The following LSAMP variants were observed in gnomAD, a reference collection of about 807,000 sequenced individuals.
LSAMP encodes limbic system-associated membrane protein.
A neutral mutation model predicts 38.6 loss-of-function variants in LSAMP; 7 were observed. That is an observed-to-expected ratio of 0.18 (90% confidence interval 0.10 to 0.34). The LOEUF (loss-of-function observed/expected upper bound fraction) is 0.34, where lower values mean the gene tolerates loss of function less well. Among genes scored for constraint, LSAMP ranks in the 10% least tolerant of loss-of-function variants. The pLI is 1.00. For missense variants in LSAMP, 313 were observed against 420.0 expected (o/e 0.75, Z 2.23); for synonymous variants, 154 against 166.8 (o/e 0.92, Z 0.59).
chr3:116,445,237 A>G lies in LSAMP; in HGVS notation c.-206T>C. The G allele has an allele frequency of 1.7e-6, 1 of 594,230 alleles. No homozygotes were observed. Among genetic ancestry groups the G allele is most frequent in the Non-Finnish European group, 3.0e-6 (1 of 334,746 alleles). The allele number at this position is 594,230 out of a possible 1,614,324, so 36.8% of individuals were successfully genotyped here. A position where few individuals can be genotyped will look rare whatever the true frequency, so the allele number is the denominator to read the frequency against. The stretch of plus-strand genomic sequence containing the variant: ...ACTTAACAAAGCCCTCATAAAACCC[A>G]AGCAGAAGGGTGAAAAGTAAAAGCA... On this transcript the variant is annotated 5_prime_UTR_variant, in exon 1 of 7. Transcript: ENST00000490035.
chr3:115,897,266 A>G (rs1406785774), intron 3 of LSAMP, among the ~76,000 whole-genome samples: 1 of 152,090 alleles, frequency 6.6e-6, no homozygotes, highest in Non-Finnish European at 1.5e-5. Context: ...TTTTCTCTAT[A>G]GCTAACTTGG....
chr3:115,870,032 A>C (rs1464964215), intron 3 of LSAMP, among the ~76,000 whole-genome samples: 1 of 152,126 alleles, frequency 6.6e-6, no homozygotes, highest in East Asian at 1.9e-4. Flanking sequence ...AAAGTTAAAA[A>C]ATTAAAATAA....
At chr3:116,158,776 G>A (rs190165542) in intron 1 of LSAMP, among the ~76,000 whole-genome samples, 25 of 152,082 alleles carry the variant, frequency 1.6e-4, no homozygotes, top group African/African-American at 5.1e-4. Flanking sequence ...CATACTGCCC[G>A]AAGCAATTTA....
chr3:115,887,603 T>C (rs1936488637), intron 3 of LSAMP, among the ~76,000 whole-genome samples: 2 of 151,930 alleles, frequency 1.3e-5, no homozygotes, highest in African/African-American at 2.4e-5. Flanking sequence ...GTTAATTTGT[T>C]GGGGTACAGA....
chr3:116,187,876 GATT>G (rs2107577770), intron 1 of LSAMP, among the ~76,000 whole-genome samples: 1 of 152,040 alleles, frequency 6.6e-6, no homozygotes, highest in East Asian at 1.9e-4. Flanking sequence ...TTGTTGTACA[GATT>G]ATTTCATCAC....
intron 6 of LSAMP, among the ~76,000 whole-genome samples, chr3:115,837,464 A>T (rs1447550728): frequency 6.6e-6 from 1 of 152,052 alleles, no homozygotes; most frequent in Non-Finnish European, 1.5e-5. Flanking sequence ...ACTAGGCTAA[A>T]CGCTGACTAC....
At chr3:116,359,858 T>A (rs2048281496) in intron 1 of LSAMP, among the ~76,000 whole-genome samples, 1 of 152,016 alleles carries the variant, frequency 6.6e-6, no homozygotes, top group Non-Finnish European at 1.5e-5. Context: ...AATGTGAAAC[T>A]CAAAACTATA....
chr3:116,408,386 T>C (rs1559857682), intron 1 of LSAMP, among the ~76,000 whole-genome samples: 1 of 152,120 alleles, frequency 6.6e-6, no homozygotes, highest in Non-Finnish European at 1.5e-5. Context: ...TTGACAAATC[T>C]ACAGTGTGGA....
chr3:116,055,290 G>T (rs1338870616), intron 2 of LSAMP, among the ~76,000 whole-genome samples: 2 of 152,206 alleles, frequency 1.3e-5, no homozygotes, highest in African/African-American at 4.8e-5. Context: ...TGGTACACTA[G>T]GGATACCGTG....
intron 1 of LSAMP, among the ~76,000 whole-genome samples, chr3:116,171,512 A>G (rs1710198097): frequency 6.6e-6 from 1 of 152,134 alleles, no homozygotes; most frequent in Non-Finnish European, 1.5e-5. Context: ...TGACAGAACA[A>G]CTGTAGGTGG....
Position 116,043,873 on chromosome 3 carries a change from C to T in LSAMP, c.389-24233G>A, listed in dbSNP as rs111265413. Among the ~76,000 whole-genome samples, 93 of 152,300 alleles carry T rather than the reference C, an allele frequency of 6.1e-4. 1 individual carries two copies. Among genetic ancestry groups the T allele is most frequent in the African/African-American group, 1.9e-3 (77 of 41,588 alleles). On this transcript the variant is annotated intron_variant, in intron 2 of 6. Coordinates refer to ENST00000490035, the MANE Select transcript of LSAMP (RefSeq NM_002338.5). Reference sequence around the variant, plus strand: ...AGGCAGGAGAATGGCGTGAACCGGTCAGGCGGAGCTTGCACTGAGCCAAGA... The same window carrying T: ...AGGCAGGAGAATGGCGTGAACCGGTTAGGCGGAGCTTGCACTGAGCCAAGA...
chr3:116,190,941 T>A (rs1402690665), intron 1 of LSAMP, among the ~76,000 whole-genome samples: 1 of 152,180 alleles, frequency 6.6e-6, no homozygotes, highest in East Asian at 1.9e-4. Context: ...ATAGTTGAAT[T>A]TGTGAGGCTG....
intron 1 of LSAMP, among the ~76,000 whole-genome samples, chr3:116,264,155 C>G (rs556733969): frequency 6.6e-6 from 1 of 152,254 alleles, no homozygotes; most frequent in Non-Finnish European, 1.5e-5. Context: ...GGTGTACTAG[C>G]TCATCAAATT....
chr3:116,119,182 GA>G (rs1189695775), intron 1 of LSAMP, among the ~76,000 whole-genome samples: 1 of 152,120 alleles, frequency 6.6e-6, no homozygotes, highest in African/African-American at 2.4e-5. Flanking sequence ...AAGGGAGCCA[GA>G]AAAAGGACTC....
At chr3:116,175,716 TAAAA>T (rs1172085689) in intron 1 of LSAMP, among the ~76,000 whole-genome samples, 10 of 151,920 alleles carry the variant, frequency 6.6e-5, no homozygotes, top group South Asian at 2.1e-4. Context: ...TTTTTTTTCT[TAAAA>T]AAAGAGACTG....
chr3:116,280,856 A>G lies in LSAMP; in HGVS notation c.155+164021T>C, dbSNP rs75428199. On this transcript the variant is annotated intron_variant, in intron 1 of 6. Transcript: ENST00000490035. ...ACATGCTGCCTCTTACAGAAAGCCC[A>G]GAATAGTGTGATAGTTTTTTTCTGA... is the stretch of plus-strand genomic sequence containing the variant. Among the ~76,000 whole-genome samples the G allele has an allele frequency of 5.9e-5, 9 of 152,344 alleles. No individual in the cohort carries two copies. The East Asian group carries it at 1.7e-3, about 29-fold the overall frequency.
chr3:116,426,127 T>G (rs536676973), intron 1 of LSAMP, among the ~76,000 whole-genome samples: 1 of 152,238 alleles, frequency 6.6e-6, no homozygotes, highest in Admixed American at 6.5e-5. Context: ...AAGGCTAGAC[T>G]ATAAACTCCA....
In LSAMP at chr3:116,192,467, A is replaced by C. The variant is rs570671557; in HGVS notation, c.156-105911T>G. On this transcript the variant is annotated intron_variant, in intron 1 of 6. Transcript: ENST00000490035. Reference sequence around the variant, plus strand: ...CTCAATTTCTCTGTCTTCTTTAGTAAACCTTTGTCTCTTTCGTTTTTCTTC... The same window carrying C: ...CTCAATTTCTCTGTCTTCTTTAGTACACCTTTGTCTCTTTCGTTTTTCTTC... 3.1e-4 allele frequency among the ~76,000 whole-genome samples: 47 copies of C among 152,234 alleles called. No homozygotes were observed. In the South Asian group the frequency reaches 9.1e-3, roughly 30 times the overall value.
chr3:116,435,941 G>A (rs928273434), intron 1 of LSAMP, among the ~76,000 whole-genome samples: 2 of 152,154 alleles, frequency 1.3e-5, no homozygotes, highest in Non-Finnish European at 1.5e-5. Context: ...GTCAAATTCA[G>A]ATGAGAAGAC....
Sources: allele counts gnomAD v4.1 joint callset (sites outside exome capture counted in the v4.1 genomes callset), GRCh38; gene constraint gnomAD v4.1.1; transcripts MANE v1.5; gene names NCBI Gene and HGNC (gene_info 2026-07-23, HGNC 2026-07-21).